Variants in PALS2 observed in about 807,000 individuals in gnomAD.
PALS2 encodes protein PALS2.
PALS2 carries 27 observed loss-of-function variants against 61.6 expected under a neutral mutation model. The observed-to-expected ratio is 0.44, with a 90% CI of 0.32 to 0.60. The LOEUF is 0.60. Ranked by LOEUF, PALS2 falls within the 20% of genes least tolerant of loss-of-function variation. PALS2 has a pLI of 0.05. For synonymous variants in PALS2, 236 were observed against 218.6 expected (o/e 1.08, Z -0.70); for missense variants, 554 against 639.4 (o/e 0.87, Z 1.44).
intron 11 of PALS2, among the ~76,000 whole-genome samples, chr7:24,685,189 A>G (rs1788132049): frequency 6.6e-6 from 1 of 152,050 alleles, no homozygotes. Context: ...CTTATAACCC[A>G]CTAGATATTA....
Position 24,573,784 on chromosome 7 carries a change from G to A in PALS2, c.-3+191G>A, listed in dbSNP as rs1228701764. On this transcript the variant is annotated intron_variant, in intron 1 of 11. Coordinates refer to ENST00000222644, the MANE Select transcript of PALS2 (RefSeq NM_001303037.2). This position sits in a 1 kb window ranked among gnomAD's most constrained non-coding sequence, Gnocchi z 5.3. Reference sequence around the variant, plus strand: ...GCGGCGGCGGCGGCGCCGCGGTCGGGGAGGCTGCTGGCCGCCCCCAGCCCG... The same window carrying A: ...GCGGCGGCGGCGGCGCCGCGGTCGGAGAGGCTGCTGGCCGCCCCCAGCCCG... Among the ~76,000 whole-genome samples the A allele has an allele frequency of 3.4e-5, 5 of 147,710 alleles. No homozygotes were observed. The East Asian group carries it at 9.9e-4, about 29-fold the overall frequency.
rs553053010 is a variant in PALS2 at position 24,669,988 on chromosome 7, A to G, written c.1114+1328A>G. ...AAGACATATAATGGGGAAAAAAATA[A>G]CCCCTTCTCTTCCCCTGCCTCACTT... On this transcript the variant is annotated intron_variant, in intron 9 of 11. Transcript: ENST00000222644. Among the ~76,000 whole-genome samples, 51 of 152,084 alleles carry G rather than the reference A, an allele frequency of 3.4e-4. No homozygotes were observed. In the East Asian group the frequency reaches 8.5e-3, roughly 25 times the overall value.
intron 1 of PALS2, chr7:24,597,265 C>G (rs372160997): frequency 6.6e-6 from 1 of 152,126 alleles, no homozygotes; most frequent in Non-Finnish European, 1.5e-5. Context: ...TAAATGAGAT[C>G]ACTCAAGAAA....
chr7:24,680,256 C>T, intron 10 of PALS2, 136 bp from the exon 11 acceptor site: 1 of 793,386 alleles, frequency 1.3e-6, no homozygotes, highest in East Asian at 2.9e-5. Context: ...ATGAGAAGGA[C>T]AGAACAGGGA....
intron 9 of PALS2, 25 bp downstream of exon 9, chr7:24,668,685 T>C: frequency 6.2e-7 from 1 of 1,611,546 alleles, no homozygotes; most frequent in Non-Finnish European, 8.5e-7. Context: ...TTTTCCTTGC[T>C]ATGCAATTGG....
At chr7:24,626,046 A>C (rs1277259784) in intron 2 of PALS2, among the ~76,000 whole-genome samples, 1 of 152,230 alleles carries the variant, frequency 6.6e-6, no homozygotes, top group Non-Finnish European at 1.5e-5. Context: ...AGGCAGTCCC[A>C]TAAATGGTTC....
intron 5 of PALS2, among the ~76,000 whole-genome samples, chr7:24,661,484 T>C (rs1786718004): frequency 6.6e-6 from 1 of 152,178 alleles, no homozygotes. Context: ...AGCTTTATGG[T>C]TACAAAATAT....
intron 1 of PALS2, among the ~76,000 whole-genome samples, chr7:24,576,674 A>G (rs538584536): frequency 2.0e-4 from 30 of 152,312 alleles, no homozygotes; most frequent in African/African-American, 7.2e-4. Context: ...GTGTAGGTTT[A>G]ATTGCTTGCT....
intron 2 of PALS2, among the ~76,000 whole-genome samples, chr7:24,625,515 C>T (rs558737802): frequency 6.6e-6 from 1 of 152,304 alleles, no homozygotes; most frequent in Admixed American, 6.5e-5. Context: ...TCTCTGCTAG[C>T]AAAAGACAGA....
chr7:24,577,372 T>C lies in PALS2; in HGVS notation c.-3+3779T>C, dbSNP rs536377297. 2.6e-5 allele frequency among the ~76,000 whole-genome samples: 4 copies of C among 152,004 alleles called. No individual in the cohort carries two copies. In the South Asian group the frequency reaches 8.3e-4, roughly 32 times the overall value. ...TAGGATTGTGTTAAGTACTTGGGAA[T>C]GGAAGTTTCTAAAAGCCTATCTGTC... On this transcript the variant is annotated intron_variant, in intron 1 of 11. Transcript: ENST00000222644.
intron 9 of PALS2, among the ~76,000 whole-genome samples, chr7:24,669,217 G>A (rs1388925699): frequency 6.6e-6 from 1 of 152,128 alleles, no homozygotes; most frequent in African/African-American, 2.4e-5. Flanking sequence ...GTACTGATGA[G>A]AAGTATAACC....
At chr7:24,626,269 G>A (rs1395638201) in intron 2 of PALS2, among the ~76,000 whole-genome samples, 2 of 151,850 alleles carry the variant, frequency 1.3e-5, no homozygotes, top group African/African-American at 4.8e-5. Flanking sequence ...TTTAAAGATA[G>A]GTTATTAGAA....
At chr7:24,586,235 G>T in intron 1 of PALS2, among the ~76,000 whole-genome samples, 1 of 151,656 alleles carries the variant, frequency 6.6e-6, no homozygotes, top group East Asian at 1.9e-4. Context: ...ATTTTATTTA[G>T]CCATAAAATA....
chr7:24,650,735 G>A (rs1160370463), intron 5 of PALS2, 23 bp downstream of exon 5: 4 of 1,411,556 alleles, frequency 2.8e-6, no homozygotes, highest in Non-Finnish European at 3.9e-6. Flanking sequence ...ATTTTTGGTA[G>A]TATTAAAAAT....
chr7:24,629,359 A>G (rs529833023), intron 2 of PALS2, among the ~76,000 whole-genome samples: 1 of 152,338 alleles, frequency 6.6e-6, no homozygotes, highest in African/African-American at 2.4e-5. Context: ...AAAGACTTAA[A>G]CGTAAGACCT....
chr7:24,651,152 T>C (rs542522160), intron 5 of PALS2, among the ~76,000 whole-genome samples: 6 of 152,316 alleles, frequency 3.9e-5, no homozygotes, highest in African/African-American at 1.4e-4. Context: ...AAAGAAAATC[T>C]TGGACCCCTG....
intron 5 of PALS2, among the ~76,000 whole-genome samples, chr7:24,660,521 G>A (rs1018771157): frequency 9.9e-5 from 15 of 151,194 alleles, no homozygotes; most frequent in Non-Finnish European, 2.1e-4. Flanking sequence ...TTCCTTATTG[G>A]TGCATACACT....
At chr7:24,671,667 T>C (rs1268788948) in intron 9 of PALS2, among the ~76,000 whole-genome samples, 1 of 152,214 alleles carries the variant, frequency 6.6e-6, no homozygotes, top group African/African-American at 2.4e-5. Flanking sequence ...TTTATACTAC[T>C]GACTCTTACA....
intron 11 of PALS2, 21 bp downstream of exon 11, chr7:24,680,541 T>C: frequency 6.2e-7 from 1 of 1,600,046 alleles, no homozygotes; most frequent in Non-Finnish European, 8.5e-7. Context: ...CATACGATTT[T>C]CCTTCTAAAA....
Sources: allele counts gnomAD v4.1 joint callset (sites outside exome capture counted in the v4.1 genomes callset), GRCh38; gene constraint gnomAD v4.1.1; non-coding constraint Gnocchi (gnomAD v3.1); transcripts MANE v1.5; gene names NCBI Gene and HGNC (gene_info 2026-07-23, HGNC 2026-07-21).